CDKAL1: variants seen among roughly 807,000 people sequenced by gnomAD.
CDKAL1 encodes the protein CDKAL1 threonylcarbamoyladenosine tRNA methylthiotransferase, also known as threonylcarbamoyladenosine tRNA methylthiotransferase.
CDKAL1 carries 32 observed loss-of-function variants against 68.2 expected under a neutral mutation model. That is an observed-to-expected ratio of 0.47 (90% CI 0.35 to 0.63). The LOEUF (loss-of-function observed/expected upper bound fraction) is 0.63. CDKAL1 is among the 30% of genes least tolerant of loss of function. The probability of loss-of-function intolerance (pLI) is 0.00; values close to 1 mark genes in which losing one functional copy is unlikely to be tolerated. For missense variants in CDKAL1, 606 were observed against 696.7 expected (o/e 0.87, Z 1.47); for synonymous variants, 234 against 244.3 (o/e 0.96, Z 0.39).
chr6:20,540,577 T>C (rs576279731), intron 2 of CDKAL1, among the ~76,000 whole-genome samples: 2 of 152,020 alleles, frequency 1.3e-5, no homozygotes, highest in East Asian at 3.9e-4. Context: ...TGTTTCAGTC[T>C]CCCGAGTAGG....
chr6:21,114,983 A>T (rs1774333938), intron 13 of CDKAL1, among the ~76,000 whole-genome samples: 1 of 152,200 alleles, frequency 6.6e-6, no homozygotes, highest in Non-Finnish European at 1.5e-5. Context: ...TATAATAAAA[A>T]TGTAAAATAT....
intron 4 of CDKAL1, among the ~76,000 whole-genome samples, chr6:20,647,342 C>A (rs184762187): frequency 6.6e-6 from 1 of 152,268 alleles, no homozygotes; most frequent in Admixed American, 6.5e-5. Context: ...TATGGCCTTC[C>A]AAGCTTTAGG....
At chr6:20,898,385 G>T (rs954981676) in intron 9 of CDKAL1, among the ~76,000 whole-genome samples, 1 of 149,208 alleles carries the variant, frequency 6.7e-6, no homozygotes, top group Non-Finnish European at 1.5e-5. Flanking sequence ...AGCCGTCTCC[G>T]GTTGGGATAC....
intron 10 of CDKAL1, among the ~76,000 whole-genome samples, chr6:20,994,845 C>T (rs749128334): frequency 2.0e-5 from 3 of 152,110 alleles, no homozygotes; most frequent in African/African-American, 7.2e-5. Context: ...GGTCTTGCCA[C>T]GATGTTGATG....
chr6:20,902,353 AC>A (rs1762041816), intron 9 of CDKAL1, among the ~76,000 whole-genome samples: 486 of 12,622 alleles, frequency 0.039, 7 homozygotes, highest in African/African-American at 0.094. Flanking sequence ...ACACACACAC[AC>A]ACACAATGTG....
intron 9 of CDKAL1, among the ~76,000 whole-genome samples, chr6:20,886,361 A>G (rs1318060056): frequency 1.3e-5 from 2 of 152,200 alleles, no homozygotes; most frequent in African/African-American, 4.8e-5. Context: ...TAGAATTAAT[A>G]TATGACCCAG....
At chr6:20,687,467 A>C (rs1389949033) in intron 5 of CDKAL1, among the ~76,000 whole-genome samples, 1 of 152,200 alleles carries the variant, frequency 6.6e-6, no homozygotes, top group Non-Finnish European at 1.5e-5. Context: ...TAGATCAATC[A>C]GGGATAAGAA....
At chr6:21,206,125 C>G (rs564831783) in intron 15 of CDKAL1, among the ~76,000 whole-genome samples, 1 of 152,136 alleles carries the variant, frequency 6.6e-6, no homozygotes, top group Non-Finnish European at 1.5e-5. Context: ...GCCACCACAC[C>G]GGACCAGTCA....
At chr6:20,616,131 T>G (rs1461544055) in intron 4 of CDKAL1, among the ~76,000 whole-genome samples, 5 of 150,492 alleles carry the variant, frequency 3.3e-5, no homozygotes, top group Non-Finnish European at 7.5e-5. Context: ...TTCTGTTCCA[T>G]TGATCTATAT....
At chr6:20,606,576 G>A (rs1231903163) in intron 4 of CDKAL1, among the ~76,000 whole-genome samples, 1 of 152,182 alleles carries the variant, frequency 6.6e-6, no homozygotes, top group Non-Finnish European at 1.5e-5. Flanking sequence ...AATCAAAAGA[G>A]TAGCTTTTGA....
intron 5 of CDKAL1, among the ~76,000 whole-genome samples, chr6:20,694,132 C>A (rs1374882169): frequency 6.6e-6 from 1 of 150,994 alleles, no homozygotes; most frequent in African/African-American, 2.4e-5. Flanking sequence ...CAGTTTGTTA[C>A]TTAACCTCCA....
chr6:21,188,582 A>C (rs1386784606), intron 13 of CDKAL1, among the ~76,000 whole-genome samples: 1 of 152,212 alleles, frequency 6.6e-6, no homozygotes, highest in Non-Finnish European at 1.5e-5. Context: ...TGTTGGCTCC[A>C]TGGGCCCTTT....
At chr6:21,218,833 A>G (rs1295425196) in intron 15 of CDKAL1, among the ~76,000 whole-genome samples, 1 of 152,226 alleles carries the variant, frequency 6.6e-6, no homozygotes, top group African/African-American at 2.4e-5. Context: ...TTCAGACCAT[A>G]GCCAAGGGGA....
rs190913247 is a variant in CDKAL1 at position 21,081,149 on chromosome 6, C to T, written c.1236+15921C>T. On this transcript the variant is annotated intron_variant, in intron 12 of 15. Transcript: ENST00000274695. ...CTGTTTCTTATGATTAATTTTTTGC[C>T]TTCCTTTTGGCATTCATTTTTATCC... Among the ~76,000 whole-genome samples, 14 of 152,248 alleles carry T rather than the reference C, an allele frequency of 9.2e-5. 1 individual carries two copies. Among genetic ancestry groups the T allele is most frequent in the Admixed American group, 6.5e-4 (10 of 15,286 alleles).
At chr6:20,978,139 C>G (rs1765931609) in intron 10 of CDKAL1, among the ~76,000 whole-genome samples, 1 of 152,170 alleles carries the variant, frequency 6.6e-6, no homozygotes, top group East Asian at 1.9e-4. Context: ...TGTAACGTAT[C>G]ACAGATGTGC....
At chr6:20,733,676 T>TG in intron 5 of CDKAL1, among the ~76,000 whole-genome samples, 1 of 152,306 alleles carries the variant, frequency 6.6e-6, no homozygotes, top group Non-Finnish European at 1.5e-5. Context: ...TTTTGAAATA[T>TG]GGTATTCATG....
At chr6:20,772,382 G>T (rs1217730081) in intron 7 of CDKAL1, among the ~76,000 whole-genome samples, 2 of 152,120 alleles carry the variant, frequency 1.3e-5, no homozygotes, top group Non-Finnish European at 1.5e-5. Flanking sequence ...ACTTTTAACT[G>T]TTCTGATGTA....
At chr6:21,195,475 T>C (rs1256499404) in intron 13 of CDKAL1, among the ~76,000 whole-genome samples, 1 of 102,226 alleles carries the variant, frequency 9.8e-6, no homozygotes, top group African/African-American at 3.4e-5. Flanking sequence ...TGGAGATGTT[T>C]TTTTTATTTA....
intron 4 of CDKAL1, among the ~76,000 whole-genome samples, chr6:20,587,322 C>T (rs1299418945): frequency 6.6e-6 from 1 of 151,986 alleles, no homozygotes; most frequent in Non-Finnish European, 1.5e-5. Flanking sequence ...GAGTTCGAAG[C>T]TAACAGATAA....
Sources: gnomAD v4.1 joint callset for allele counts (sites outside exome capture counted in the v4.1 genomes callset) on GRCh38, gnomAD v4.1.1 for gene constraint, MANE v1.5 for transcripts, NCBI Gene and HGNC (gene_info 2026-07-23, HGNC 2026-07-21) for gene names.